Variants in PIK3CA observed in about 807,000 individuals in gnomAD.
The protein encoded by PIK3CA is phosphatidylinositol 4,5-bisphosphate 3-kinase catalytic subunit alpha isoform.
Under a neutral mutation model 138.2 loss-of-function variants are expected in PIK3CA, and 27 were observed. The ratio of observed to expected loss-of-function variants is 0.20; its 90% confidence interval spans 0.14 to 0.27. The LOEUF is 0.27. Ranked by LOEUF, PIK3CA falls within the 10% of genes least tolerant of loss-of-function variation. The probability of loss-of-function intolerance (pLI) is 1.00; values close to 1 mark genes in which losing one functional copy is unlikely to be tolerated. For missense variants in PIK3CA, 544 were observed against 1,277.4 expected (o/e 0.43, Z 8.75); for synonymous variants, 358 against 413.2 (o/e 0.87, Z 1.62).
intron 1 of PIK3CA, among the ~76,000 whole-genome samples, chr3:179,157,081 A>T (rs1030965514): frequency 6.6e-6 from 1 of 152,192 alleles, no homozygotes; most frequent in African/African-American, 2.4e-5. Flanking sequence ...ATTAGACACT[A>T]CTTACAAACT....
Position 179,237,628 on chromosome 3 carries a change from T to A in PIK3CA, c.*3264T>A, listed in dbSNP as rs1412853830. 9.6e-6 allele frequency: 2 copies of A among 208,680 alleles called. No homozygotes were observed. The highest frequency in any genetic ancestry group is 2.0e-5 in the Non-Finnish European group (2 of 102,410). The allele number at this position is 208,680 out of a possible 1,614,324, so 12.9% of individuals were successfully genotyped here. On this transcript the variant is annotated 3_prime_UTR_variant, in exon 21 of 21. Coordinates refer to ENST00000263967, the MANE Select transcript of PIK3CA (RefSeq NM_006218.4). ...AACACAGTCCATCTGTATTCTTTTT[T>A]CCATCAAAAATCGAGTGATTTGGAA...
chr3:179,213,648 ACTT>A lies in PIK3CA; in HGVS notation c.1539+3087_1539+3089del, dbSNP rs1410916899. Reference sequence around the variant, plus strand: ...TTGATAGCATTTTGCCCACAATAGAACTTCTTTCAGATTTGGAGTCAGTCCTCT... The same window carrying A: ...TTGATAGCATTTTGCCCACAATAGAACTTTCAGATTTGGAGTCAGTCCTCT... On this transcript the variant is annotated intron_variant, in intron 9 of 20. Transcript: ENST00000263967. Among the ~76,000 whole-genome samples the A allele has an allele frequency of 2.0e-3, 299 of 152,340 alleles. 2 individuals are homozygous for A. Among genetic ancestry groups the A allele is most frequent in the Middle Eastern group, 3.4e-3 (1 of 294 alleles).
chr3:179,216,528 C>T (rs1724840145), intron 9 of PIK3CA, among the ~76,000 whole-genome samples: 1 of 152,016 alleles, frequency 6.6e-6, no homozygotes, highest in South Asian at 2.1e-4. Context: ...AATAAAATAA[C>T]TCCTTGAGTT....
In PIK3CA at chr3:179,230,531, G is replaced by C. The variant is rs1205984273; in HGVS notation, c.2936+155G>C. Reference sequence around the variant, plus strand: ...ACTCTTTGGGAGGCCGAGGCTGGAGGATCACTTGAGCTCAGGAATTGAAAC... The same window carrying C: ...ACTCTTTGGGAGGCCGAGGCTGGAGCATCACTTGAGCTCAGGAATTGAAAC... On this transcript the variant is annotated intron_variant, in intron 20 of 20. Coordinates refer to ENST00000263967, the MANE Select transcript of PIK3CA (RefSeq NM_006218.4). The surrounding 1 kb of genome is among the most constrained non-coding windows in gnomAD (Gnocchi z 5.4). Among the ~76,000 whole-genome samples the C allele has an allele frequency of 6.6e-6, 1 of 152,168 alleles. No individual in the cohort carries two copies. The highest frequency in any genetic ancestry group is 1.5e-5 in the Non-Finnish European group (1 of 68,032).
intron 1 of PIK3CA, among the ~76,000 whole-genome samples, chr3:179,160,145 A>C (rs1723239625): frequency 6.6e-6 from 1 of 152,136 alleles, no homozygotes; most frequent in Non-Finnish European, 1.5e-5. Context: ...AAAGTAAAGT[A>C]ATTGCGCTAC....
chr3:179,226,820 G>A (rs1043556882), intron 17 of PIK3CA, among the ~76,000 whole-genome samples: 3 of 152,104 alleles, frequency 2.0e-5, no homozygotes, highest in East Asian at 3.9e-4. Context: ...GACATTTCAG[G>A]TGACCTGCTA....
In PIK3CA at chr3:179,201,401, T is replaced by G; in HGVS notation, c.674T>G (p.Ile225Ser). ...CVPEQVIAEA[I>S]RKKTRSMLLS... ...CCAGAACAAGTAATTGCTGAAGCAATCAGGAAAAAAACTCGAAGTATGTTG... is the reference window on the plus strand; with the variant it reads ...CCAGAACAAGTAATTGCTGAAGCAAGCAGGAAAAAAACTCGAAGTATGTTG... The change falls in exon 4 of 21, where the codon ATC (isoleucine) becomes AGC (serine). Residue 225 changes from isoleucine to serine, a missense_variant. Physicochemically the swap from Ile to Ser is moderately radical, Grantham distance 142. This residue lies in a region of PIK3CA where 234 missense variants were observed against 401.3 expected (regional missense o/e 0.58). Transcript: ENST00000263967. 1 of 1,613,678 alleles carries G rather than the reference T, an allele frequency of 6.2e-7. No individual in the cohort carries two copies.
At chr3:179,165,397 A>G (rs533637029) in intron 1 of PIK3CA, among the ~76,000 whole-genome samples, 16 of 152,160 alleles carry the variant, frequency 1.1e-4, no homozygotes, top group Admixed American at 7.9e-4. Flanking sequence ...TTTTATTTTT[A>G]TTTTAATTTT....
In PIK3CA at chr3:179,239,926, A is replaced by C; in HGVS notation, c.*5562A>C. On this transcript the variant is annotated 3_prime_UTR_variant, in exon 21 of 21. Coordinates refer to ENST00000263967, the MANE Select transcript of PIK3CA (RefSeq NM_006218.4). ...TATATTGAGAATATAGAATAATAACAGTATCACTAAATTTAAGACCTCTTC... is the reference window on the plus strand; with the variant it reads ...TATATTGAGAATATAGAATAATAACCGTATCACTAAATTTAAGACCTCTTC... 1.1e-6 allele frequency: 1 copy of C among 879,862 alleles called. No homozygotes were observed. The highest frequency in any genetic ancestry group is 1.5e-5 in the South Asian group (1 of 65,318). 54.5% of individuals were successfully genotyped at this position (879,862 alleles called of 1,614,324 possible). A position where few individuals can be genotyped will look rare whatever the true frequency, so the allele number is the denominator to read the frequency against.
At chr3:179,232,321 T>C (rs1392888885) in intron 20 of PIK3CA, among the ~76,000 whole-genome samples, 18 of 152,100 alleles carry the variant, frequency 1.2e-4, no homozygotes, top group Admixed American at 1.2e-3. Context: ...TTTCATTCTT[T>C]TACATGTGGC....
At chr3:179,168,346 T>A (rs780979994) in intron 1 of PIK3CA, among the ~76,000 whole-genome samples, 24 of 152,228 alleles carry the variant, frequency 1.6e-4, no homozygotes, top group Non-Finnish European at 3.4e-4. Flanking sequence ...GTTTTTTACT[T>A]GTTATTGATG....
chr3:179,203,890 A>G (rs1724488531), intron 5 of PIK3CA, 101 bp downstream of exon 5: 1 of 815,756 alleles, frequency 1.2e-6, no homozygotes, highest in Non-Finnish European at 1.9e-6. Context: ...ATGTTTTCAG[A>G]TGGTTAGGAG....
chr3:179,157,679 A>G (rs1355428207), intron 1 of PIK3CA, among the ~76,000 whole-genome samples: 1 of 152,128 alleles, frequency 6.6e-6, no homozygotes, highest in African/African-American at 2.4e-5. Flanking sequence ...TGACAATGGG[A>G]CAGGATATTT....
intron 6 of PIK3CA, among the ~76,000 whole-genome samples, chr3:179,206,170 G>A (rs1466858150): frequency 7.3e-6 from 1 of 136,538 alleles, no homozygotes; most frequent in African/African-American, 2.8e-5. Flanking sequence ...CGATTCTCCT[G>A]CCTCAGCCTC....
chr3:179,209,534 T>G, intron 6 of PIK3CA, 61 bp from the exon 7 acceptor site: 2 of 987,042 alleles, frequency 2.0e-6, no homozygotes, highest in East Asian at 2.6e-5. Context: ...GTAGGAGTCA[T>G]TTATATACTT....
chr3:179,178,698 T>C (rs1187927390), intron 1 of PIK3CA, among the ~76,000 whole-genome samples: 2 of 152,192 alleles, frequency 1.3e-5, no homozygotes, highest in Non-Finnish European at 2.9e-5. Context: ...TACTCATGGC[T>C]CTATCACTTA....
intron 1 of PIK3CA, 32 bp from the exon 2 acceptor site, chr3:179,198,718 C>T (rs1419213988): frequency 3.4e-6 from 2 of 592,900 alleles, no homozygotes; most frequent in Non-Finnish European, 5.9e-6. Flanking sequence ...AGTTGTGTCT[C>T]TTTTAACATA....
intron 1 of PIK3CA, among the ~76,000 whole-genome samples, chr3:179,183,895 T>G (rs1224978404): frequency 6.6e-6 from 1 of 152,226 alleles, no homozygotes; most frequent in African/African-American, 2.4e-5. Flanking sequence ...TAAAATATGT[T>G]TTATGACACT....
chr3:179,179,634 A>G (rs1171042101), intron 1 of PIK3CA, among the ~76,000 whole-genome samples: 1 of 152,226 alleles, frequency 6.6e-6, no homozygotes, highest in Non-Finnish European at 1.5e-5. Context: ...TAAGATGTGC[A>G]GAGTTCGTTG....
Sources: allele counts gnomAD v4.1 joint callset (sites outside exome capture counted in the v4.1 genomes callset), GRCh38; gene constraint gnomAD v4.1.1; regional missense constraint gnomAD v4.1.1; non-coding constraint Gnocchi (gnomAD v3.1); transcripts MANE v1.5; gene names NCBI Gene and HGNC (gene_info 2026-07-23, HGNC 2026-07-21).